The following ZNF678 variants were observed in gnomAD, a reference collection of about 807,000 sequenced individuals.
ZNF678 encodes zinc finger protein 678, also known as hypothetical protein MGC42493.
ZNF678 carries 5 observed loss-of-function variants against 3.0 expected under a neutral mutation model. The ratio of observed to expected loss-of-function variants is 1.69; its 90% CI spans 0.88 to 3.56. The LOEUF (loss-of-function observed/expected upper bound fraction) is 3.56. Among genes scored for constraint, ZNF678 ranks in the 30% most tolerant of loss-of-function variants. The pLI, the probability that ZNF678 is intolerant of heterozygous loss-of-function variation, is 0.00. For synonymous variants in ZNF678, 218 were observed against 199.6 expected (o/e 1.09, Z -0.78); for missense variants, 593 against 605.0 (o/e 0.98, Z 0.21).
rs1447048538 is a variant in ZNF678 at position 227,638,220 on chromosome 1, G to A, written c.-163-8324G>A. Among the ~76,000 whole-genome samples, 2 of 152,100 alleles carry A rather than the reference G, an allele frequency of 1.3e-5. No individual in the cohort carries two copies. The highest frequency in any genetic ancestry group is 4.8e-5 in the African/African-American group (2 of 41,416). The stretch of plus-strand genomic sequence containing the variant: ...TGGGGAATTAGAGTGTAAAGGAATT[G>A]TGAAAAAAAGCATCTTTTATGTTTA... On this transcript the variant is annotated intron_variant, in intron 1 of 3. Transcript: ENST00000343776. The surrounding 1 kb of genome is among the most constrained non-coding windows in gnomAD (Gnocchi z 4.2).
intron 1 of ZNF678, among the ~76,000 whole-genome samples, chr1:227,608,723 C>T (rs1452792797): frequency 6.6e-6 from 1 of 152,078 alleles, no homozygotes; most frequent in Non-Finnish European, 1.5e-5. Flanking sequence ...CGAAAATGCT[C>T]AGGATGTTAT....
At chr1:227,591,582 T>G (rs531125241) in intron 1 of ZNF678, among the ~76,000 whole-genome samples, 207 of 152,304 alleles carry the variant, frequency 1.4e-3, no homozygotes, top group Non-Finnish European at 2.5e-3. Flanking sequence ...CTGTTTTGGC[T>G]CACACTTTAC....
chr1:227,597,205 T>G (rs1212797466), intron 1 of ZNF678, among the ~76,000 whole-genome samples: 1 of 152,256 alleles, frequency 6.6e-6, no homozygotes, highest in Non-Finnish European at 1.5e-5. Flanking sequence ...TGGCTAGTTA[T>G]CTGCAGCAGG....
Position 227,598,555 on chromosome 1 carries a change from G to A in ZNF678, c.-164+34831G>A, listed in dbSNP as rs186511698. 44 of 867,480 alleles carry A rather than the reference G, an allele frequency of 5.1e-5. No individual in the cohort carries two copies. In the Admixed American group the frequency reaches 5.6e-4, roughly 11 times the overall value. 53.7% of individuals were successfully genotyped at this position (867,480 alleles called of 1,614,324 possible). On this transcript the variant is annotated intron_variant, in intron 1 of 3. Coordinates refer to ENST00000343776, the MANE Select transcript of ZNF678 (RefSeq NM_001367909.1). Reference sequence around the variant, plus strand: ...TCACTGCTTTTCTTCTTTTTTGCTCGTACCTCCTCAGTAAACTGTGATTCT... The same window carrying A: ...TCACTGCTTTTCTTCTTTTTTGCTCATACCTCCTCAGTAAACTGTGATTCT...
intron 1 of ZNF678, among the ~76,000 whole-genome samples, chr1:227,579,959 C>G (rs899416800): frequency 6.6e-6 from 1 of 152,144 alleles, no homozygotes; most frequent in African/African-American, 2.4e-5. Context: ...AGCTGGCTTG[C>G]TATCTCTACC....
chr1:227,647,117 C>T (rs1033141823), intron 2 of ZNF678, among the ~76,000 whole-genome samples: 6 of 151,990 alleles, frequency 3.9e-5, no homozygotes, highest in Non-Finnish European at 8.8e-5. Context: ...ATTAGATGGG[C>T]GTGGTGGCAT....
chr1:227,620,040 T>A (rs1202798607), intron 1 of ZNF678, among the ~76,000 whole-genome samples: 1 of 152,188 alleles, frequency 6.6e-6, no homozygotes, highest in African/African-American at 2.4e-5. Context: ...TGGTCACTTG[T>A]GAGAGTTGAG....
chr1:227,662,737 G>A (rs1472740989), downstream of ZNF678, among the ~76,000 whole-genome samples: 2 of 152,146 alleles, frequency 1.3e-5, no homozygotes, highest in Admixed American at 1.3e-4. Context: ...CTGGATGTAG[G>A]GAACCAGCGA....
chr1:227,606,586 C>T (rs1341020949), intron 1 of ZNF678, among the ~76,000 whole-genome samples: 1 of 152,188 alleles, frequency 6.6e-6, no homozygotes, highest in Non-Finnish European at 1.5e-5. Context: ...TACTAATCCT[C>T]CTCAGCACAG....
At chr1:227,583,656 G>GAAAAAAAA (rs1464764659) in intron 1 of ZNF678, among the ~76,000 whole-genome samples, 2 of 152,116 alleles carry the variant, frequency 1.3e-5, no homozygotes, top group Admixed American at 6.5e-5. Context: ...AAAAAAATAG[G>GAAAAAAAA]AGGTAGGAAA....
chr1:227,603,999 A>G (rs1657802108), intron 1 of ZNF678, among the ~76,000 whole-genome samples: 1 of 152,242 alleles, frequency 6.6e-6, no homozygotes, highest in Non-Finnish European at 1.5e-5. Flanking sequence ...CTGTTGTAGC[A>G]TGTAGCATTA....
chr1:227,597,049 G>T (rs1033613206), intron 1 of ZNF678, among the ~76,000 whole-genome samples: 5 of 152,080 alleles, frequency 3.3e-5, no homozygotes, highest in African/African-American at 1.2e-4. Flanking sequence ...TGAAATTAAA[G>T]AATAAAATTC....
Position 227,655,881 on chromosome 1 carries a change from A to G in ZNF678, c.*53A>G. On this transcript the variant is annotated 3_prime_UTR_variant, in exon 4 of 4. Transcript: ENST00000343776. The stretch of plus-strand genomic sequence containing the variant: ...TAATTTCATACTGAATAAAAGTGGT[A>G]TGAGCATAATGACTGTTTAAGGATG... 6.8e-7 allele frequency: 1 copy of G among 1,471,210 alleles called. No homozygotes were observed. The highest frequency in any genetic ancestry group is 9.1e-7 in the Non-Finnish European group (1 of 1,094,932). 91.1% of individuals were successfully genotyped at this position (1,471,210 alleles called of 1,614,324 possible).
intron 1 of ZNF678, among the ~76,000 whole-genome samples, chr1:227,577,881 T>C (rs1442049447): frequency 6.6e-6 from 1 of 152,228 alleles, no homozygotes; most frequent in Non-Finnish European, 1.5e-5. Context: ...TAACAGTCTT[T>C]TCTCTCCATA....
At chr1:227,673,053 G>A (rs1659626678) in intron 5 of ZNF678, among the ~76,000 whole-genome samples, 1 of 152,056 alleles carries the variant, frequency 6.6e-6, no homozygotes, top group African/African-American at 2.4e-5. Flanking sequence ...CCTCATAAAT[G>A]GACCCTGGCC....
At chr1:227,619,078 G>A (rs1046847143) in intron 1 of ZNF678, among the ~76,000 whole-genome samples, 1 of 152,006 alleles carries the variant, frequency 6.6e-6, no homozygotes, top group African/African-American at 2.4e-5. Context: ...AACAGCATGG[G>A]GGAAACCATC....
At chr1:227,623,272 A>G (rs780821090) in intron 1 of ZNF678, among the ~76,000 whole-genome samples, 43 of 152,204 alleles carry the variant, frequency 2.8e-4, no homozygotes, top group Non-Finnish European at 5.4e-4. Flanking sequence ...AGCACTGTCT[A>G]TGGAAGGAAT....
chr1:227,619,514 AT>A (rs998782888), intron 1 of ZNF678, among the ~76,000 whole-genome samples: 2 of 149,232 alleles, frequency 1.3e-5, no homozygotes, highest in Non-Finnish European at 1.5e-5. Context: ...TGAGGTTGCA[AT>A]TTTTTTTTTG....
chr1:227,609,121 GAT>G (rs1403618160), intron 1 of ZNF678, among the ~76,000 whole-genome samples: 1 of 151,994 alleles, frequency 6.6e-6, no homozygotes, highest in Non-Finnish European at 1.5e-5. Flanking sequence ...GATATGTAAA[GAT>G]CAAGGAGCAA....
Sources: allele counts gnomAD v4.1 joint callset (sites outside exome capture counted in the v4.1 genomes callset), GRCh38; gene constraint gnomAD v4.1.1; non-coding constraint Gnocchi (gnomAD v3.1); transcripts MANE v1.5; gene names NCBI Gene and HGNC (gene_info 2026-07-23, HGNC 2026-07-21).